HFM1: variants seen among roughly 807,000 people sequenced by gnomAD.
HFM1 encodes probable ATP-dependent DNA helicase HFM1.
HFM1 carries 169 observed loss-of-function variants against 192.1 expected under a neutral mutation model. The observed-to-expected ratio is 0.88, with a 90% confidence interval of 0.78 to 1.00. The LOEUF (loss-of-function observed/expected upper bound fraction) is 1.00. Among genes scored for constraint, HFM1 ranks in the 50% least tolerant of loss-of-function variants. The pLI is 0.00. For missense variants in HFM1, 1,661 were observed against 1,668.0 expected (o/e 1.00, Z 0.07); for synonymous variants, 525 against 537.8 (o/e 0.98, Z 0.33).
At chr1:91,277,767 TAA>T (rs1265208326) in intron 30 of HFM1, among the ~76,000 whole-genome samples, 20 of 121,420 alleles carry the variant, frequency 1.6e-4, no homozygotes, top group Non-Finnish European at 2.9e-4. Flanking sequence ...TAATATATAC[TAA>T]TATATATAAT....
At chr1:91,361,824 T>TC (rs954113758) in intron 13 of HFM1, among the ~76,000 whole-genome samples, 18 of 152,134 alleles carry the variant, frequency 1.2e-4, no homozygotes, top group African/African-American at 4.3e-4. Context: ...GCAAACTGAA[T>TC]CCAGCAGCAC....
intron 30 of HFM1, among the ~76,000 whole-genome samples, chr1:91,299,054 C>A (rs1396923614): frequency 2.0e-5 from 3 of 152,092 alleles, no homozygotes; most frequent in African/African-American, 7.2e-5. Context: ...ATCTCACGTG[C>A]AGAGACACAT....
chr1:91,278,789 A>C (rs896581567), intron 30 of HFM1, among the ~76,000 whole-genome samples: 4 of 152,126 alleles, frequency 2.6e-5, no homozygotes, highest in African/African-American at 9.7e-5. Flanking sequence ...GGCGGCTGGA[A>C]GCTGACAGCT....
At chr1:91,374,977 G>A (rs1660728655) in intron 13 of HFM1, among the ~76,000 whole-genome samples, 1 of 152,116 alleles carries the variant, frequency 6.6e-6, no homozygotes, top group South Asian at 2.1e-4. Flanking sequence ...TGCAAAGGAG[G>A]AAGAAAATCA....
intron 13 of HFM1, among the ~76,000 whole-genome samples, chr1:91,374,565 G>A (rs1660675576): frequency 1.3e-5 from 2 of 152,058 alleles, no homozygotes; most frequent in African/African-American, 2.4e-5. Flanking sequence ...TTGATTGTGG[G>A]GTATAAGGTG....
At chr1:91,375,840 G>A (rs1022578495) in intron 11 of HFM1, 113 bp from the exon 12 acceptor site, 3 of 758,988 alleles carry the variant, frequency 4.0e-6, no homozygotes, top group Non-Finnish European at 6.6e-6. Context: ...ATTTAATCAA[G>A]TATGCTGTCT....
chr1:91,388,221 G>C (rs1662492983), intron 4 of HFM1, among the ~76,000 whole-genome samples: 1 of 152,156 alleles, frequency 6.6e-6, no homozygotes, highest in Non-Finnish European at 1.5e-5. Flanking sequence ...TTAAACCTAA[G>C]ATGGGGTCAT....
At chr1:91,376,821 T>C (rs761117911) in intron 11 of HFM1, among the ~76,000 whole-genome samples, 11 of 151,888 alleles carry the variant, frequency 7.2e-5, no homozygotes, top group African/African-American at 1.2e-4. Context: ...AAATAGCCTC[T>C]GGTAGAAGTG....
intron 13 of HFM1, among the ~76,000 whole-genome samples, chr1:91,364,632 A>ATATATATATTTTTTTT (rs753472335): frequency 4.9e-4 from 33 of 66,778 alleles, no homozygotes; most frequent in Non-Finnish European, 5.9e-4. Flanking sequence ...ATATATATAT[A>ATATATATATTTTTTTT]TTTTTTTTTT....
chr1:91,355,134 T>C (rs1185576922), intron 13 of HFM1, among the ~76,000 whole-genome samples: 2 of 152,196 alleles, frequency 1.3e-5, no homozygotes, highest in East Asian at 3.9e-4. Context: ...GTGACTGAAG[T>C]TCAGTTTAAA....
chr1:91,378,338 TTTTC>T (rs1237687333), intron 10 of HFM1, 61 bp downstream of exon 10: 7 of 1,394,270 alleles, frequency 5.0e-6, no homozygotes, highest in African/African-American at 1.4e-5. Context: ...GCAATGTCTT[TTTTC>T]TTTCTGTCTT....
At position 91,288,853 on chromosome 1, in the gene HFM1, C is replaced by T. The variant is rs1443758314; in HGVS notation, c.3392-11791G>A. Among the ~76,000 whole-genome samples, 5 of 152,318 alleles carry T rather than the reference C, an allele frequency of 3.3e-5. No homozygotes were observed. The South Asian group carries it at 1.0e-3, about 32-fold the overall frequency. ...CCCCCTTTTCTATTCAACAAAACCG[C>T]CATCGTCATCATGGCCCTTTCTCAA... On this transcript the variant is annotated intron_variant, in intron 30 of 38. Transcript: ENST00000370425.
intron 11 of HFM1, chr1:91,377,824 A>G: frequency 1.8e-6 from 1 of 563,328 alleles, no homozygotes; most frequent in Non-Finnish European, 3.1e-6. Flanking sequence ...ACATGTCCAC[A>G]AAAAATGTTT....
intron 30 of HFM1, among the ~76,000 whole-genome samples, chr1:91,307,935 T>C (rs1464048227): frequency 1.3e-5 from 2 of 152,192 alleles, no homozygotes; most frequent in African/African-American, 4.8e-5. Flanking sequence ...AATATGACAT[T>C]CCATTGTCTT....
In HFM1 at chr1:91,380,948, T is replaced by C. The variant is rs1361692585; in HGVS notation, c.837A>G (p.Pro279=). The C allele has an allele frequency of 4.1e-6, 6 of 1,458,432 alleles. No homozygotes were observed. The highest frequency in any genetic ancestry group is 2.8e-5 in the African/African-American group (2 of 71,626). The allele number at this position is 1,458,432 out of a possible 1,614,324, so 90.3% of individuals were successfully genotyped here. A position where few individuals can be genotyped will look rare whatever the true frequency, so the allele number is the denominator to read the frequency against. ...AKFRSIFKEF[P]YFNYIQSKAF... ...CCTTGGACTGTATATAGTTGAAATA[T>C]GGAAATTCTTTGAAAATACTTCTAA... Residue 279 remains proline (P), a synonymous_variant, in exon 7 of 39, where the codon CCA becomes CCG. Transcript: ENST00000370425.
At position 91,353,155 on chromosome 1, in the gene HFM1, G is replaced by C; in HGVS notation, c.1730-3C>G. On this transcript the variant is annotated splice_polypyrimidine_tract_variant and splice_region_variant and intron_variant, in intron 14 of 38. Transcript: ENST00000370425. Reference sequence around the variant, plus strand: ...AGCAGCACCATCTTTTAAGATATCTGTAATAGAAATATATCAGCTGTTACT... The same window carrying C: ...AGCAGCACCATCTTTTAAGATATCTCTAATAGAAATATATCAGCTGTTACT... 6.3e-7 allele frequency: 1 copy of C among 1,599,074 alleles called. No individual in the cohort carries two copies. The highest frequency in any genetic ancestry group is 1.1e-5 in the South Asian group (1 of 90,336).
intron 13 of HFM1, among the ~76,000 whole-genome samples, chr1:91,371,210 A>G (rs1052192023): frequency 2.0e-5 from 3 of 152,068 alleles, no homozygotes; most frequent in Admixed American, 2.0e-4. Flanking sequence ...CAAGCTACAA[A>G]TGACTTTCTT....
At chr1:91,329,558 T>G in intron 20 of HFM1, 1 of 1,348,382 alleles carries the variant, frequency 7.4e-7, no homozygotes, top group Non-Finnish European at 1.0e-6. Flanking sequence ...ACCAGAATAT[T>G]TGCCCTCTTG....
chr1:91,342,433 A>G (rs1655496140), intron 20 of HFM1, among the ~76,000 whole-genome samples: 1 of 152,222 alleles, frequency 6.6e-6, no homozygotes. Context: ...CTATACCTAA[A>G]GAATGGAGCA....
Sources: allele counts gnomAD v4.1 joint callset (sites outside exome capture counted in the v4.1 genomes callset), GRCh38; gene constraint gnomAD v4.1.1; transcripts MANE v1.5; gene names NCBI Gene and HGNC (gene_info 2026-07-23, HGNC 2026-07-21).